The following SLC30A4 variants were observed in gnomAD, a reference collection of about 807,000 sequenced individuals.
SLC30A4 encodes the protein probable proton-coupled zinc antiporter SLC30A4.
Under a neutral mutation model 41.7 loss-of-function variants are expected in SLC30A4, and 20 were observed. The ratio of observed to expected loss-of-function variants is 0.48; its 90% confidence interval spans 0.34 to 0.70. The LOEUF is 0.70. SLC30A4 is among the 30% of genes least tolerant of loss of function. The pLI is 0.01. For synonymous variants in SLC30A4, 181 were observed against 195.9 expected (o/e 0.92, Z 0.64); for missense variants, 441 against 529.3 (o/e 0.83, Z 1.64).
At chr15:45,503,506 C>T (rs1004095756) in intron 3 of SLC30A4, among the ~76,000 whole-genome samples, 2 of 152,008 alleles carry the variant, frequency 1.3e-5, no homozygotes, top group Admixed American at 6.6e-5. Flanking sequence ...GTCCCAGCTA[C>T]TCGAGAGGCT....
intron 2 of SLC30A4, among the ~76,000 whole-genome samples, chr15:45,518,546 G>C (rs1892564545): frequency 6.6e-6 from 1 of 151,914 alleles, no homozygotes; most frequent in Non-Finnish European, 1.5e-5. Flanking sequence ...GTCTATCTCA[G>C]CTCATTTAGT....
chr15:45,520,146 G>A (rs1354338403), intron 2 of SLC30A4, among the ~76,000 whole-genome samples: 1 of 152,158 alleles, frequency 6.6e-6, no homozygotes, highest in East Asian at 1.9e-4. Context: ...CTCAGATGCT[G>A]AGGACTTTGA....
chr15:45,497,501 G>A (rs774806229), intron 3 of SLC30A4, among the ~76,000 whole-genome samples: 4 of 152,098 alleles, frequency 2.6e-5, no homozygotes, highest in South Asian at 4.1e-4. Context: ...ACAAGATCAC[G>A]GGTCTTTTCA....
chr15:45,507,321 A>AAAATAAATAAAT (rs58217872), intron 3 of SLC30A4, among the ~76,000 whole-genome samples: 3,811 of 140,976 alleles, frequency 0.027, 97 homozygotes, highest in Admixed American at 0.068. Flanking sequence ...CTCTGTCTCA[A>AAAATAAATAAAT]AAATAAATAA....
chr15:45,496,378 A>G (rs1398953286), intron 3 of SLC30A4, among the ~76,000 whole-genome samples: 1 of 152,182 alleles, frequency 6.6e-6, no homozygotes, highest in African/African-American at 2.4e-5. Flanking sequence ...GACCTGCTCC[A>G]ATTTTCTCAT....
rs777120922 is a variant in SLC30A4, at chr15:45,522,285, T to G, written c.70A>C (p.Asn24His). 4 of 1,613,936 alleles carry G rather than the reference T, an allele frequency of 2.5e-6. No individual in the cohort carries two copies. In the African/African-American group the frequency reaches 5.3e-5, roughly 22 times the overall value. ...LRKDDAPLFL[N>H]DTSAFDFSDE... ...GAGAAGTCAAAGGCGCTGGTGTCATTTAAAAACAGCGGCGCATCATCCTTC... is the reference window on the plus strand; with the variant it reads ...GAGAAGTCAAAGGCGCTGGTGTCATGTAAAAACAGCGGCGCATCATCCTTC... The change falls in exon 2 of 8, where the codon AAT becomes CAT. Residue 24 changes from asparagine to histidine, a missense_variant. Asn to His is a moderately conservative substitution (Grantham distance 68). Transcript: ENST00000261867.
chr15:45,503,509 G>A (rs1040221157), intron 3 of SLC30A4, among the ~76,000 whole-genome samples: 1 of 151,964 alleles, frequency 6.6e-6, no homozygotes, highest in Non-Finnish European at 1.5e-5. Context: ...CCAGCTACTC[G>A]AGAGGCTGAG....
Position 45,486,635 on chromosome 15 carries a change from T to C in SLC30A4, c.1111A>G (p.Thr371Ala), listed in dbSNP as rs775333063. 1 of 1,605,168 alleles carries C rather than the reference T, an allele frequency of 6.2e-7. No homozygotes were observed. The highest frequency in any genetic ancestry group is 2.3e-5 in the East Asian group (1 of 44,264). ...NIWSLTSGKS[T>A]AIVHIQLIPG... is the part of the protein sequence containing the mutation. ...CTTAGCTGTATGTGAACTATGGCAG[T>C]AGATTTTCCTGAAGTGAGAGACCAG... Residue 371 changes from threonine to alanine, a missense_variant, in exon 7 of 8, where the codon ACT (threonine) becomes GCT (alanine). Coordinates refer to ENST00000261867, the MANE Select transcript of SLC30A4 (RefSeq NM_013309.6).
chr15:45,491,868 AAATC>A (rs1433029069), intron 3 of SLC30A4, among the ~76,000 whole-genome samples: 3 of 152,156 alleles, frequency 2.0e-5, no homozygotes, highest in Non-Finnish European at 1.5e-5. Flanking sequence ...AAAAAAAAAA[AAATC>A]AATAAGAAAA....
At chr15:45,496,415 C>T (rs978826145) in intron 3 of SLC30A4, among the ~76,000 whole-genome samples, 1 of 152,148 alleles carries the variant, frequency 6.6e-6, no homozygotes, top group Admixed American at 6.6e-5. Flanking sequence ...TCTTCGGTCA[C>T]ATAACTTACA....
At position 45,483,355 on chromosome 15, in the gene SLC30A4, A is replaced by G. The variant is rs1006413935; in HGVS notation, c.*1808T>C. The G allele has an allele frequency of 2.6e-5, 4 of 152,244 alleles. No homozygotes were observed. Among genetic ancestry groups the G allele is most frequent in the African/African-American group, 4.8e-5 (2 of 41,472 alleles). 9.4% of individuals were successfully genotyped at this position (152,244 alleles called of 1,614,324 possible). On this transcript the variant is annotated 3_prime_UTR_variant, in exon 8 of 8. Transcript: ENST00000261867. ...CTACTCTGATTCTTAGAGGAGCCCA[A>G]TAACCATATCCATTCTTCGTGTAAG...
intron 2 of SLC30A4, among the ~76,000 whole-genome samples, chr15:45,515,481 C>T (rs1034309418): frequency 4.0e-5 from 6 of 151,896 alleles, no homozygotes; most frequent in African/African-American, 7.3e-5. Context: ...GGTGAAAGCC[C>T]GTCTCTACCA....
rs959604195 is a variant in SLC30A4 at position 45,488,956 on chromosome 15, C to T, written c.779G>A (p.Cys260Tyr). ...GCTATCCTGCCCATGGTTACGTTCACACCCAGAACCTCTGGTAGGGGAATT... is the reference window on the plus strand; with the variant it reads ...GCTATCCTGCCCATGGTTACGTTCATACCCAGAACCTCTGGTAGGGGAATT... ...PSNSPTRGSG[C>Y]ERNHGQDSLA... The change falls in exon 5 of 8, where the codon TGT (cysteine) becomes TAT (tyrosine). Residue 260 changes from cysteine (C) to tyrosine (Y), a missense_variant. Cys to Tyr is a radical substitution (Grantham distance 194, BLOSUM62 -2). Coordinates refer to ENST00000261867, the MANE Select transcript of SLC30A4 (RefSeq NM_013309.6). The T allele has an allele frequency of 1.1e-5, 17 of 1,614,004 alleles. No homozygotes were observed. Among genetic ancestry groups the T allele is most frequent in the Non-Finnish European group, 1.4e-5 (17 of 1,179,976 alleles).
At position 45,485,295 on chromosome 15, in the gene SLC30A4, C is replaced by T; in HGVS notation, c.1158G>A (p.Trp386Ter). The stretch of plus-strand genomic sequence containing the variant: ...GGTTTGCTTTGGACTGTACTTCCTC[C>T]CATTTAGATGAACTTCCAGGAACTG... The part of the protein sequence containing the change: ...IQLIPGSSSK[W>*]EEVQSKANHL... The change falls in exon 8 of 8, where the codon TGG (tryptophan) becomes TGA (stop). Residue 386 changes from tryptophan (W) to a stop codon, truncating the protein, a stop_gained. Transcript: ENST00000261867. LOFTEE classifies it high-confidence loss of function. 6.2e-7 allele frequency: 1 copy of T among 1,609,052 alleles called. No individual in the cohort carries two copies. Among genetic ancestry groups the T allele is most frequent in the Non-Finnish European group, 8.5e-7 (1 of 1,177,418 alleles).
rs369794492 is a variant in SLC30A4 at position 45,488,726 on chromosome 15, A to G, written c.894+115T>C. 207 of 751,842 alleles carry G rather than the reference A, an allele frequency of 2.8e-4. 1 individual carries two copies. The highest frequency in any genetic ancestry group is 2.6e-3 in the East Asian group (101 of 38,316). The allele number at this position is 751,842 out of a possible 1,614,324, so 46.6% of individuals were successfully genotyped here. On this transcript the variant is annotated intron_variant, in intron 5 of 7. Coordinates refer to ENST00000261867, the MANE Select transcript of SLC30A4 (RefSeq NM_013309.6). Reference sequence around the variant, plus strand: ...ATGATTGTCAAGTAAACTTACATCAATGTAAAATGAATAGAACTGGCACTG... The same window carrying G: ...ATGATTGTCAAGTAAACTTACATCAGTGTAAAATGAATAGAACTGGCACTG...
intron 2 of SLC30A4, 168 bp downstream of exon 2, chr15:45,521,796 A>G (rs1259040307): frequency 4.8e-6 from 3 of 626,858 alleles, no homozygotes; most frequent in Non-Finnish European, 8.2e-6. Flanking sequence ...TATTGTACTT[A>G]GATTGAGCTG....
intron 2 of SLC30A4, among the ~76,000 whole-genome samples, chr15:45,513,075 G>C (rs1362883211): frequency 3.3e-5 from 5 of 151,932 alleles, no homozygotes; most frequent in African/African-American, 7.3e-5. Flanking sequence ...TGAGGCAGGC[G>C]GATCACCTGA....
Position 45,511,167 on chromosome 15 carries a change from T to A in SLC30A4, c.509A>T (p.Lys170Ile). Reference sequence around the variant, plus strand: ...GCGATGAAATCCAAAGGTGAATCTTTTGGTTGGTGATTTTGATGATAGCCA... The same window carrying A: ...GCGATGAAATCCAAAGGTGAATCTTATGGTTGGTGATTTTGATGATAGCCA... ...ALWLSSKSPT[K>I]RFTFGFHRLE... The change falls in exon 3 of 8, where the codon AAA (lysine) becomes ATA (isoleucine). Residue 170 changes from lysine (K) to isoleucine (I), a missense_variant. Physicochemically the swap from Lys to Ile is moderately radical, Grantham distance 102. Around this residue, in one of 3 missense-constraint regions of SLC30A4, gnomAD observed 312 missense variants for 341.9 expected, o/e 0.91. Coordinates refer to ENST00000261867, the MANE Select transcript of SLC30A4 (RefSeq NM_013309.6). 6.2e-7 allele frequency: 1 copy of A among 1,613,758 alleles called. No individual in the cohort carries two copies. Among genetic ancestry groups the A allele is most frequent in the Non-Finnish European group, 8.5e-7 (1 of 1,179,860 alleles).
intron 3 of SLC30A4, among the ~76,000 whole-genome samples, chr15:45,492,487 T>C (rs1027012375): frequency 5.3e-5 from 8 of 152,156 alleles, no homozygotes; most frequent in Admixed American, 3.3e-4. Context: ...ATATTACCTT[T>C]AGACTAAAAA....
Sources: allele counts gnomAD v4.1 joint callset (sites outside exome capture counted in the v4.1 genomes callset), GRCh38; gene constraint gnomAD v4.1.1; regional missense constraint gnomAD v4.1.1; transcripts MANE v1.5; gene names NCBI Gene and HGNC (gene_info 2026-07-23, HGNC 2026-07-21).